Variants in NDST1 observed in about 807,000 individuals in gnomAD.
NDST1 encodes the protein N-deacetylase and N-sulfotransferase 1.
NDST1 carries 35 observed loss-of-function variants against 92.8 expected under a neutral mutation model. The ratio of observed to expected loss-of-function variants is 0.38; its 90% CI spans 0.29 to 0.50. NDST1 has a LOEUF of 0.50. Ranked by LOEUF, NDST1 falls within the 20% of genes least tolerant of loss-of-function variation. The pLI is 0.94. For synonymous variants in NDST1, 493 were observed against 500.3 expected (o/e 0.99, Z 0.19); for missense variants, 822 against 1,182.7 (o/e 0.69, Z 4.47).
Position 150,549,699 on chromosome 5 carries a change from C to G in NDST1, c.2338C>G (p.Leu780Val), listed in dbSNP as rs776949087. Residue 780 changes from leucine to valine, a missense_variant, in exon 13 of 15, where the codon CTG (leucine) becomes GTG (valine). Leu to Val is a conservative substitution (Grantham distance 32). Transcript: ENST00000261797. ...CCAGATTCTGGTCTTGGATGGCAAA[C>G]TGCTTCGCACAGAACCTGCCAAAGT... ...ANQILVLDGK[L>V]LRTEPAKVMD... 1 of 1,613,824 alleles carries G rather than the reference C, an allele frequency of 6.2e-7. No individual in the cohort carries two copies. Among genetic ancestry groups the G allele is most frequent in the African/African-American group, 1.3e-5 (1 of 75,036 alleles).
chr5:150,520,404 A>C (rs951619963), intron 1 of NDST1, among the ~76,000 whole-genome samples: 1 of 152,064 alleles, frequency 6.6e-6, no homozygotes, highest in Non-Finnish European at 1.5e-5. Flanking sequence ...CAAAGAGAGC[A>C]ACGGGTTAGG....
rs116420841 is a variant in NDST1 at position 150,533,052 on chromosome 5, C to T, written c.1096+20C>T. 4.1e-3 allele frequency: 6,549 copies of T among 1,606,638 alleles called. 28 individuals carry two copies. The highest frequency in any genetic ancestry group is 4.1e-3 in the Non-Finnish European group (4,823 of 1,173,268). On this transcript the variant is annotated intron_variant, in intron 4 of 14. Coordinates refer to ENST00000261797, the MANE Select transcript of NDST1 (RefSeq NM_001543.5). ...ACACAGGTAAGTGGGCCTGCCCCTG[C>T]CCTCACTAGCAACTTCCAGGACTCC...
At chr5:150,547,746 C>T (rs1481479693) in intron 11 of NDST1, among the ~76,000 whole-genome samples, 5 of 152,180 alleles carry the variant, frequency 3.3e-5, no homozygotes, top group African/African-American at 7.2e-5. Flanking sequence ...AGTGCAGCAG[C>T]GTGATCTTGG....
intron 6 of NDST1, 29 bp from the exon 7 acceptor site, chr5:150,539,199 A>G (rs774995748): frequency 1.3e-6 from 2 of 1,558,910 alleles, no homozygotes; most frequent in East Asian, 2.2e-5. Flanking sequence ...AGAAGGCACC[A>G]TAGCTCCTCT....
At chr5:150,504,916 G>A (rs937705977), upstream of NDST1, among the ~76,000 whole-genome samples, 1 of 152,148 alleles carries the variant, frequency 6.6e-6, no homozygotes. Flanking sequence ...GCTTGGACTG[G>A]GAGGCAGAGG....
intron 2 of NDST1, among the ~76,000 whole-genome samples, chr5:150,525,563 A>G (rs2151275304): frequency 6.6e-6 from 1 of 152,232 alleles, no homozygotes; most frequent in East Asian, 1.9e-4. Context: ...GGGCCTCAGC[A>G]CCCCAGGCTG....
intron 13 of NDST1, among the ~76,000 whole-genome samples, chr5:150,551,504 T>C (rs1482166006): frequency 1.3e-5 from 2 of 152,228 alleles, no homozygotes; most frequent in East Asian, 3.8e-4. Flanking sequence ...CGGCTGTGGC[T>C]GGTCGGGCTG....
At chr5:150,538,385 C>T (rs906616380) in intron 6 of NDST1, among the ~76,000 whole-genome samples, 8 of 152,172 alleles carry the variant, frequency 5.3e-5, no homozygotes, top group African/African-American at 1.9e-4. Flanking sequence ...GGAGCAGAGA[C>T]TGTAGGGGAC....
In NDST1 at chr5:150,551,743, AC is replaced by A. The variant is rs748583678; in HGVS notation, c.2427-8del. 1 of 1,612,058 alleles carries A rather than the reference AC, an allele frequency of 6.2e-7. No individual in the cohort carries two copies. Among genetic ancestry groups the A allele is most frequent in the East Asian group, 2.2e-5 (1 of 44,828 alleles). On this transcript the variant is annotated splice_polypyrimidine_tract_variant and intron_variant, in intron 13 of 14. Coordinates refer to ENST00000261797, the MANE Select transcript of NDST1 (RefSeq NM_001543.5). Reference sequence around the variant, plus strand: ...CCAGCTCCCATCCAAAGACTTTCCCACCTCCACAGGTTTGATCCAAAGAAAG... The same window carrying A: ...CCAGCTCCCATCCAAAGACTTTCCCACTCCACAGGTTTGATCCAAAGAAAG...
At chr5:150,542,810 G>A in intron 9 of NDST1, 38 bp from the exon 10 acceptor site, 1 of 1,613,706 alleles carries the variant, frequency 6.2e-7, no homozygotes. Context: ...TTGGCTGGGG[G>A]CTGGGCCCTG....
chr5:150,512,195 G>A (rs1258872744), intron 1 of NDST1, among the ~76,000 whole-genome samples: 1 of 152,138 alleles, frequency 6.6e-6, no homozygotes, highest in Non-Finnish European at 1.5e-5. Context: ...TGGCCCAGAT[G>A]CCTATGATGA....
At chr5:150,520,617 G>A (rs765731737) in intron 1 of NDST1, among the ~76,000 whole-genome samples, 2 of 152,134 alleles carry the variant, frequency 1.3e-5, no homozygotes, top group African/African-American at 2.4e-5. Context: ...GCTTTAAGTC[G>A]TTTACAAACG....
At chr5:150,542,750 AG>A (rs1755300886) in intron 9 of NDST1, 97 bp from the exon 10 acceptor site, 49 of 1,486,772 alleles carry the variant, frequency 3.3e-5, no homozygotes, top group Non-Finnish European at 4.5e-5. Context: ...CCTTCCCAGG[AG>A]CCCCCAGTGG....
In NDST1 at chr5:150,519,622, A is replaced by G. The variant is rs1417345961; in HGVS notation, c.-387-1246A>G. Reference sequence around the variant, plus strand: ...AGAATCACTTAAACTGGGGAGGCGGAGGTGGCAGCGAGCCGAGATTGCACC... The same window carrying G: ...AGAATCACTTAAACTGGGGAGGCGGGGGTGGCAGCGAGCCGAGATTGCACC... On this transcript the variant is annotated intron_variant, in intron 1 of 14. Coordinates refer to ENST00000261797, the MANE Select transcript of NDST1 (RefSeq NM_001543.5). 2.0e-5 allele frequency among the ~76,000 whole-genome samples: 3 copies of G among 152,106 alleles called. No homozygotes were observed. In the East Asian group the frequency reaches 5.8e-4, roughly 29 times the overall value.
intron 9 of NDST1, among the ~76,000 whole-genome samples, chr5:150,541,955 C>T (rs1755267264): frequency 6.6e-6 from 1 of 152,166 alleles, no homozygotes; most frequent in Admixed American, 6.5e-5. Context: ...ATCAGTTGCT[C>T]TGCTAGTTTG....
intron 3 of NDST1, among the ~76,000 whole-genome samples, chr5:150,532,301 C>T (rs1207789898): frequency 6.6e-6 from 1 of 152,160 alleles, no homozygotes; most frequent in Non-Finnish European, 1.5e-5. Context: ...ATATTATCAT[C>T]CCTGTTTTAC....
chr5:150,513,835 C>T (rs1385671046), intron 1 of NDST1, among the ~76,000 whole-genome samples: 3 of 152,208 alleles, frequency 2.0e-5, no homozygotes, highest in East Asian at 1.9e-4. Flanking sequence ...CTTATGGGTC[C>T]GGGGCAGCAT....
intron 1 of NDST1, among the ~76,000 whole-genome samples, chr5:150,513,750 G>A (rs920028159): frequency 9.2e-5 from 14 of 152,308 alleles, no homozygotes; most frequent in South Asian, 8.3e-4. Flanking sequence ...GGCCCAAGCC[G>A]GACCCCCTTC....
chr5:150,522,211 C>T (rs1242459754), intron 2 of NDST1, among the ~76,000 whole-genome samples: 2 of 151,980 alleles, frequency 1.3e-5, no homozygotes, highest in Non-Finnish European at 2.9e-5. Flanking sequence ...GAGATTTGAA[C>T]CTAGACATAG....
Sources: allele counts gnomAD v4.1 joint callset (sites outside exome capture counted in the v4.1 genomes callset), GRCh38; gene constraint gnomAD v4.1.1; transcripts MANE v1.5; gene names NCBI Gene and HGNC (gene_info 2026-07-23, HGNC 2026-07-21).